R3HCC1L: variants seen among roughly 807,000 people sequenced by gnomAD.
R3HCC1L encodes coiled-coil domain-containing protein R3HCC1L.
A neutral mutation model predicts 59.9 loss-of-function variants in R3HCC1L; 51 were observed. That is an observed-to-expected ratio of 0.85 (90% CI 0.68 to 1.07). The LOEUF (loss-of-function observed/expected upper bound fraction) is 1.07, where lower values mean the gene tolerates loss of function less well. R3HCC1L is among the 50% of genes least tolerant of loss of function. R3HCC1L has a pLI of 0.00. For synonymous variants in R3HCC1L, 322 were observed against 315.2 expected (o/e 1.02, Z -0.23); for missense variants, 965 against 933.0 (o/e 1.03, Z -0.45).
At chr10:98,186,456 GT>G (rs1384972363) in intron 4 of R3HCC1L, 66 of 934,592 alleles carry the variant, frequency 7.1e-5, no homozygotes, top group Non-Finnish European at 8.4e-5. Context: ...TAATTTCCTT[GT>G]TTTTTCCAGA....
Position 98,209,713 on chromosome 10 carries a change from A to G in R3HCC1L, c.1599A>G (p.Gln533=), listed in dbSNP as rs1853319699. The G allele has an allele frequency of 8.1e-6, 13 of 1,614,008 alleles. No homozygotes were observed. The highest frequency in any genetic ancestry group is 1.0e-5 in the Non-Finnish European group (12 of 1,179,906). Residue 533 remains glutamine, a synonymous_variant, in exon 5 of 10, where the codon CAA becomes CAG. Transcript: ENST00000298999. ...CCGAAGAGTTCAAAACAGAAGAGCA[A>G]GATGACTCAGGGAGTATAGAATTTG... is the stretch of plus-strand genomic sequence containing the variant. ...RTAEEFKTEE[Q]DDSGSIEFGV...
intron 1 of R3HCC1L, among the ~76,000 whole-genome samples, chr10:98,152,055 T>G (rs928504745): frequency 2.2e-4 from 33 of 152,160 alleles, no homozygotes; most frequent in Non-Finnish European, 4.1e-4. Context: ...CCTCCCTGCC[T>G]GATTCTCCTG....
chr10:98,194,767 A>C (rs533026692), intron 4 of R3HCC1L, among the ~76,000 whole-genome samples: 276 of 148,336 alleles, frequency 1.9e-3, no homozygotes, highest in Non-Finnish European at 3.7e-3. Flanking sequence ...CCACAGTAAG[A>C]TATTATCTCA....
At chr10:98,170,879 C>A (rs950069693) in intron 4 of R3HCC1L, among the ~76,000 whole-genome samples, 5 of 152,124 alleles carry the variant, frequency 3.3e-5, no homozygotes, top group African/African-American at 9.7e-5. Context: ...AGGGCTGGGG[C>A]AGATACTAAA....
chr10:98,194,542 C>A (rs1263184832), intron 4 of R3HCC1L, among the ~76,000 whole-genome samples: 1 of 152,060 alleles, frequency 6.6e-6, no homozygotes, highest in Non-Finnish European at 1.5e-5. Flanking sequence ...GTAAACACAG[C>A]CTGAGGAATA....
intron 5 of R3HCC1L, among the ~76,000 whole-genome samples, chr10:98,224,842 G>A (rs938184159): frequency 2.6e-5 from 4 of 152,196 alleles, no homozygotes; most frequent in Admixed American, 1.3e-4. Context: ...CTTTATAGGA[G>A]GGATTGCCCA....
At position 98,209,602 on chromosome 10, in the gene R3HCC1L, G is replaced by A. The variant is rs1853294876; in HGVS notation, c.1488G>A (p.Gly496=). The change falls in exon 5 of 10, where the codon GGG becomes GGA. Residue 496 remains glycine (G), a synonymous_variant. Coordinates refer to ENST00000298999, the MANE Select transcript of R3HCC1L (RefSeq NM_001351015.2). ...FLDSELSMLN[G]TKVLSDSAVG... ...ACTCTGAACTCAGTATGTTAAATGG[G>A]ACAAAAGTTCTTTCAGACAGTGCCG... 3.1e-6 allele frequency: 5 copies of A among 1,613,942 alleles called. No homozygotes were observed. The highest frequency in any genetic ancestry group is 1.7e-6 in the Non-Finnish European group (2 of 1,179,966).
At chr10:98,196,027 T>G (rs1192270048) in intron 4 of R3HCC1L, among the ~76,000 whole-genome samples, 2 of 152,216 alleles carry the variant, frequency 1.3e-5, no homozygotes. Flanking sequence ...CATTTATTTA[T>G]GTATAAATAC....
At chr10:98,220,895 G>A (rs1259920434) in intron 5 of R3HCC1L, among the ~76,000 whole-genome samples, 1 of 144,918 alleles carries the variant, frequency 6.9e-6, no homozygotes, top group South Asian at 2.4e-4. Flanking sequence ...TATATACCCA[G>A]TAATGGGATG....
rs1226733855 is a variant in R3HCC1L at position 98,152,764 on chromosome 10, G to A, written c.-267-3329G>A. Among the ~76,000 whole-genome samples, 8 of 145,316 alleles carry A rather than the reference G, an allele frequency of 5.5e-5. 2 individuals are homozygous for A. Among genetic ancestry groups the A allele is most frequent in the Admixed American group, 1.4e-4 (2 of 14,528 alleles). ...AGCCCCTCCGCCTGGCAGCCGCCCC[G>A]TCTGAGAAGTGAGGAGCCCCTCCGC... On this transcript the variant is annotated intron_variant, in intron 1 of 9. Coordinates refer to ENST00000298999, the MANE Select transcript of R3HCC1L (RefSeq NM_001351015.2).
intron 4 of R3HCC1L, among the ~76,000 whole-genome samples, chr10:98,178,478 A>G (rs563041305): frequency 2.9e-4 from 44 of 152,258 alleles, no homozygotes; most frequent in African/African-American, 1.1e-3. Context: ...CTTGTAGTAT[A>G]GTTTGAAGTC....
At chr10:98,184,966 T>A (rs1013153473) in intron 4 of R3HCC1L, among the ~76,000 whole-genome samples, 4 of 152,224 alleles carry the variant, frequency 2.6e-5, no homozygotes, top group African/African-American at 9.6e-5. Flanking sequence ...AGATTTTAGA[T>A]CAATTACTTA....
chr10:98,175,689 T>C (rs1848941112), intron 4 of R3HCC1L, among the ~76,000 whole-genome samples: 1 of 152,192 alleles, frequency 6.6e-6, no homozygotes, highest in Admixed American at 6.5e-5. Context: ...ATGAAAGTTA[T>C]CAGATGTGAT....
chr10:98,177,080 T>C (rs1371659761), intron 4 of R3HCC1L, among the ~76,000 whole-genome samples: 1 of 152,144 alleles, frequency 6.6e-6, no homozygotes, highest in Non-Finnish European at 1.5e-5. Flanking sequence ...GTGCACAATG[T>C]GTAGGTTTGT....
intron 4 of R3HCC1L, among the ~76,000 whole-genome samples, chr10:98,184,918 C>T (rs1850068097): frequency 1.3e-5 from 2 of 152,284 alleles, no homozygotes; most frequent in African/African-American, 4.8e-5. Flanking sequence ...AAGTAGTGCT[C>T]ATGTCCCATC....
chr10:98,204,844 A>G (rs975880555), intron 4 of R3HCC1L, among the ~76,000 whole-genome samples: 2 of 152,144 alleles, frequency 1.3e-5, no homozygotes, highest in African/African-American at 2.4e-5. Context: ...GTAAAAGACA[A>G]TATATTTGGG....
intron 4 of R3HCC1L, among the ~76,000 whole-genome samples, chr10:98,197,213 C>G (rs1416360353): frequency 6.6e-6 from 1 of 152,010 alleles, no homozygotes; most frequent in African/African-American, 2.4e-5. Context: ...CCATGCCCCC[C>G]CCTCCACCCC....
Position 98,209,810 on chromosome 10 carries a change from C to T in R3HCC1L, c.1696C>T (p.His566Tyr), listed in dbSNP as rs762776274. ...SIEPKATETS[H>Y]TEGITAIEES... ...CGAACCAAAAGCAACTGAAACTTCTCACACAGAGGGAATTACTGCCATTGA... is the reference window on the plus strand; with the variant it reads ...CGAACCAAAAGCAACTGAAACTTCTTACACAGAGGGAATTACTGCCATTGA... Residue 566 changes from histidine (H) to tyrosine (Y), a missense_variant, in exon 5 of 10, where the codon CAC becomes TAC. Physicochemically the swap from His to Tyr is moderately conservative, Grantham distance 83. Transcript: ENST00000298999. 8 of 1,613,888 alleles carry T rather than the reference C, an allele frequency of 5.0e-6. No individual in the cohort carries two copies. The highest frequency in any genetic ancestry group is 1.7e-5 in the Admixed American group (1 of 60,010).
At chr10:98,231,453 A>G (rs1202185262) in intron 5 of R3HCC1L, 59 bp from the exon 6 acceptor site, 2 of 1,461,326 alleles carry the variant, frequency 1.4e-6, no homozygotes, top group African/African-American at 2.9e-5. Context: ...ATATAGGAAT[A>G]TATTTTACAA....
Sources: gnomAD v4.1 joint callset for allele counts (sites outside exome capture counted in the v4.1 genomes callset) on GRCh38, gnomAD v4.1.1 for gene constraint, MANE v1.5 for transcripts, NCBI Gene and HGNC (gene_info 2026-07-23, HGNC 2026-07-21) for gene names.